Variants in HHIPL1 observed in about 807,000 individuals in gnomAD.
HHIPL1 encodes HHIP like 1.
In HHIPL1, 43 loss-of-function variants were observed where a neutral mutation model predicts 61.8. The ratio of observed to expected loss-of-function variants is 0.70; its 90% CI spans 0.55 to 0.90. The LOEUF is 0.90. HHIPL1 is among the 40% of genes least tolerant of loss of function. The pLI is 0.00. For synonymous variants in HHIPL1, 482 were observed against 515.8 expected (o/e 0.93, Z 0.89); for missense variants, 1,056 against 1,157.7 (o/e 0.91, Z 1.28).
At chr14:99,656,787 AAAAGAAAGAAAGAAAGAAAG>A (rs1555377257) in intron 2 of HHIPL1, among the ~76,000 whole-genome samples, 193 bp from the exon 3 acceptor site, 1 of 20,416 alleles carries the variant, frequency 4.9e-5, no homozygotes, top group African/African-American at 1.1e-4. Context: ...AAAAGAAAAG[AAAAGAAAGAAAGAAAGAAAG>A]AAAGAAAGAA....
At chr14:99,657,440 G>A (rs145091936) in intron 3 of HHIPL1, among the ~76,000 whole-genome samples, 10 of 152,288 alleles carry the variant, frequency 6.6e-5, no homozygotes, top group East Asian at 1.9e-4. Context: ...GTGCATTAGC[G>A]AGCCTCAGGG....
chr14:99,668,998 C>T lies in HHIPL1; in HGVS notation c.1730+695C>T, dbSNP rs1300529263. The T allele has an allele frequency of 2.6e-6, 4 of 1,551,606 alleles. No individual in the cohort carries two copies. Among genetic ancestry groups the T allele is most frequent in the African/African-American group, 2.7e-5 (2 of 72,798 alleles). ...GGGGCCCAGGCCACTGGCTCCAGAG[C>T]CCTGCCCTAACCCCTTGGCTGTGTG... is the stretch of plus-strand genomic sequence containing the variant. On this transcript the variant is annotated intron_variant, in intron 7 of 8. Coordinates refer to ENST00000330710, the MANE Select transcript of HHIPL1 (RefSeq NM_001127258.3). The surrounding 1 kb of genome is among the most constrained non-coding windows in gnomAD (Gnocchi z 4.7).
At chr14:99,605,100 CG>C in the HHIPL1 span, among the ~76,000 whole-genome samples, 2 of 152,184 alleles carry the variant, frequency 1.3e-5, no homozygotes, top group African/African-American at 4.8e-5. Flanking sequence ...CTGCCCGGAG[CG>C]GCGCTCGGAG....
Position 99,675,800 on chromosome 14 carries a change from C to A in HHIPL1, c.*174C>A. ...AGTGCATGTGTGTCCTCTGCAGACCCAAGGCAGGAGTGTGTGTTGGGGGCG... is the reference window on the plus strand; with the variant it reads ...AGTGCATGTGTGTCCTCTGCAGACCAAAGGCAGGAGTGTGTGTTGGGGGCG... On this transcript the variant is annotated 3_prime_UTR_variant, in exon 9 of 9. Transcript: ENST00000330710. The surrounding 1 kb of genome is among the most constrained non-coding windows in gnomAD (Gnocchi z 5.4). The A allele has an allele frequency of 1.7e-6, 1 of 589,278 alleles. No individual in the cohort carries two copies. Among genetic ancestry groups the A allele is most frequent in the Non-Finnish European group, 2.8e-6 (1 of 362,992 alleles). 36.5% of individuals were successfully genotyped at this position (589,278 alleles called of 1,614,324 possible).
chr14:99,643,549 C>A (rs2055780783), upstream of HHIPL1, among the ~76,000 whole-genome samples: 2 of 152,228 alleles, frequency 1.3e-5, no homozygotes, highest in Admixed American at 6.5e-5. Context: ...GTCACTTCCA[C>A]CTCTGTACAC....
Position 99,675,021 on chromosome 14 carries a change from C to T in HHIPL1, c.1814-70C>T. The stretch of plus-strand genomic sequence containing the variant: ...GCTCTCCGCACAGGTTGCAGGGCAG[C>T]ACAGGGTGGGCAGCAGGGCTGGACA... On this transcript the variant is annotated intron_variant, in intron 8 of 8. Transcript: ENST00000330710. This position sits in a 1 kb window ranked among gnomAD's most constrained non-coding sequence, Gnocchi z 5.4. The T allele has an allele frequency of 1.1e-6, 1 of 870,116 alleles. No individual in the cohort carries two copies. The highest frequency in any genetic ancestry group is 1.4e-6 in the Non-Finnish European group (1 of 698,316). 53.9% of individuals were successfully genotyped at this position (870,116 alleles called of 1,614,324 possible). A position where few individuals can be genotyped will look rare whatever the true frequency, so the allele number is the denominator to read the frequency against.
intron 1 of HHIPL1, among the ~76,000 whole-genome samples, chr14:99,650,471 C>T (rs1252573854): frequency 1.3e-5 from 2 of 152,216 alleles, no homozygotes; most frequent in Admixed American, 6.5e-5. Flanking sequence ...ACAGGGAGGC[C>T]CGCAGACAGC....
chr14:99,642,046 T>G (rs2055758567), upstream of HHIPL1, among the ~76,000 whole-genome samples: 1 of 150,662 alleles, frequency 6.6e-6, no homozygotes, highest in African/African-American at 2.4e-5. Flanking sequence ...TTCAAGTGAT[T>G]CTCCCGCCTC....
At chr14:99,650,496 G>A (rs1021926822) in intron 1 of HHIPL1, among the ~76,000 whole-genome samples, 9 of 152,242 alleles carry the variant, frequency 5.9e-5, no homozygotes, top group African/African-American at 1.4e-4. Context: ...AGCTGTAGGG[G>A]TAGGGTGCAG....
chr14:99,643,241 T>C (rs2055775840), upstream of HHIPL1, among the ~76,000 whole-genome samples: 1 of 151,930 alleles, frequency 6.6e-6, no homozygotes, highest in South Asian at 2.1e-4. Flanking sequence ...GATTTCACCA[T>C]GTTGACCAGG....
intron 3 of HHIPL1, among the ~76,000 whole-genome samples, chr14:99,658,435 C>T (rs544554973): frequency 3.0e-4 from 46 of 151,948 alleles, no homozygotes; most frequent in Non-Finnish European, 5.7e-4. Flanking sequence ...CGGGTGGGAG[C>T]GTTTCATCAC....
At chr14:99,647,898 G>A (rs889984746) in intron 1 of HHIPL1, among the ~76,000 whole-genome samples, 2 of 152,162 alleles carry the variant, frequency 1.3e-5, no homozygotes, top group Non-Finnish European at 2.9e-5. Context: ...GCCATGGCAC[G>A]TGGCATCCCC....
chr14:99,655,150 G>A (rs34916886), intron 2 of HHIPL1, among the ~76,000 whole-genome samples: 26,626 of 152,056 alleles, frequency 0.18, 2,568 homozygotes, highest in East Asian at 0.26. Flanking sequence ...GTGGATGACC[G>A]AAAGTCTGAG....
chr14:99,635,970 G>GTTTTTGTTTGTTTGTTTT, the HHIPL1 span, among the ~76,000 whole-genome samples: 1 of 152,172 alleles, frequency 6.6e-6, no homozygotes, highest in African/African-American at 2.4e-5. Context: ...CACTGCCCTG[G>GTTTTTGTTTGTTTGTTTT]GAGTCAGGAG....
chr14:99,615,592 AAGAG>A, the HHIPL1 span, among the ~76,000 whole-genome samples: 80 of 151,450 alleles, frequency 5.3e-4, no homozygotes, highest in Middle Eastern at 3.4e-3. Context: ...AGAAGAAAGA[AAGAG>A]AGAGAGAGGA....
At chr14:99,670,069 A>G (rs777969679) in intron 7 of HHIPL1, among the ~76,000 whole-genome samples, 2 of 151,964 alleles carry the variant, frequency 1.3e-5, no homozygotes, top group African/African-American at 2.4e-5. Context: ...GTCAACTAGT[A>G]TCAGTCCATC....
intron 8 of HHIPL1, among the ~76,000 whole-genome samples, chr14:99,674,584 C>T (rs1269350686): frequency 6.6e-6 from 1 of 152,170 alleles, no homozygotes; most frequent in Non-Finnish European, 1.5e-5. Context: ...ACCTGCTGGC[C>T]ACTGGCCACC....
chr14:99,630,220 G>C, the HHIPL1 span, among the ~76,000 whole-genome samples: 1 of 152,220 alleles, frequency 6.6e-6, no homozygotes, highest in Non-Finnish European at 1.5e-5. Context: ...GGGCACTGAG[G>C]CCATTTGGTA....
At chr14:99,625,139 G>A in the HHIPL1 span, 11 of 152,242 alleles carry the variant, frequency 7.2e-5, no homozygotes, top group African/African-American at 2.2e-4. Context: ...CCGGTGCTGC[G>A]GGGCCTGCCT....
Sources: gnomAD v4.1 joint callset for allele counts (sites outside exome capture counted in the v4.1 genomes callset) on GRCh38, gnomAD v4.1.1 for gene constraint, Gnocchi (gnomAD v3.1) non-coding constraint, MANE v1.5 for transcripts, NCBI Gene and HGNC (gene_info 2026-07-23, HGNC 2026-07-21) for gene names.